The following ADAMTS13 variants were observed in gnomAD, a reference collection of about 807,000 sequenced individuals.
ADAMTS13 encodes ADAM metallopeptidase with thrombospondin type 1 motif 13, also known as A disintegrin and metalloproteinase with thrombospondin motifs 13.
In ADAMTS13, 110 loss-of-function variants were observed where a neutral mutation model predicts 155.1. That is an observed-to-expected ratio of 0.71 (90% confidence interval 0.61 to 0.83). The LOEUF (loss-of-function observed/expected upper bound fraction) is 0.83, where lower values mean the gene tolerates loss of function less well. Ranked by LOEUF, ADAMTS13 falls within the 40% of genes least tolerant of loss-of-function variation. The pLI is 0.00. For synonymous variants in ADAMTS13, 758 were observed against 756.4 expected (o/e 1.00, Z -0.03); for missense variants, 1,707 against 1,891.7 (o/e 0.90, Z 1.81).
chr9:133,423,799 A>T (rs1454099686), intron 2 of ADAMTS13, among the ~76,000 whole-genome samples: 1 of 152,212 alleles, frequency 6.6e-6, no homozygotes, highest in Non-Finnish European at 1.5e-5. Flanking sequence ...TGGGGGCTGG[A>T]TGCAGCCGAC....
At chr9:133,435,258 C>G (rs1554788636) in intron 11 of ADAMTS13, among the ~76,000 whole-genome samples, 1 of 150,936 alleles carries the variant, frequency 6.6e-6, no homozygotes, top group Non-Finnish European at 1.5e-5. Flanking sequence ...GCAATCTCAG[C>G]TCCCTGCAAC....
chr9:133,433,591 G>A, intron 10 of ADAMTS13, 50 bp from the exon 11 acceptor site: 2 of 1,613,786 alleles, frequency 1.2e-6, no homozygotes, highest in Non-Finnish European at 1.7e-6. Flanking sequence ...CCTAGTTGAA[G>A]GCAGTGGTCA....
upstream of ADAMTS13, among the ~76,000 whole-genome samples, chr9:133,421,781 T>C (rs1349189359): frequency 5.9e-5 from 9 of 152,098 alleles, no homozygotes; most frequent in Admixed American, 5.9e-4. Context: ...GGCTGCACTT[T>C]GAGGGGTGGA....
intron 23 of ADAMTS13, among the ~76,000 whole-genome samples, chr9:133,450,805 G>A (rs34818240): frequency 0.033 from 4,965 of 152,304 alleles, 105 homozygotes; most frequent in Middle Eastern, 0.054. Flanking sequence ...TGGCCCAAGA[G>A]CCAGTCTGTA....
At chr9:133,443,826 G>C (rs782763397) in intron 19 of ADAMTS13, among the ~76,000 whole-genome samples, 1 of 152,116 alleles carries the variant, frequency 6.6e-6, no homozygotes, top group Admixed American at 6.5e-5. Flanking sequence ...CCTGGGGAGG[G>C]GGGGCTTCGA....
At chr9:133,449,222 C>T (rs145779495) in intron 22 of ADAMTS13, among the ~76,000 whole-genome samples, 181 of 152,208 alleles carry the variant, frequency 1.2e-3, no homozygotes, top group African/African-American at 4.0e-3. Context: ...GTTGCTGGTG[C>T]GTTTCTTCAT....
Position 133,422,415 on chromosome 9 carries a change from C to T in ADAMTS13, c.-29C>T, listed in dbSNP as rs958104571. On this transcript the variant is annotated 5_prime_UTR_variant, in exon 1 of 29. Coordinates refer to ENST00000355699, the MANE Select transcript of ADAMTS13 (RefSeq NM_139027.6). ...GTCACCAAGGCCCCCTCTCACTCCGCTCCACTCCTCGGGCTGGCTCTCCTG... is the reference window on the plus strand; with the variant it reads ...GTCACCAAGGCCCCCTCTCACTCCGTTCCACTCCTCGGGCTGGCTCTCCTG... The T allele has an allele frequency of 6.2e-7, 1 of 1,604,466 alleles. No individual in the cohort carries two copies. The highest frequency in any genetic ancestry group is 8.5e-7 in the Non-Finnish European group (1 of 1,173,636).
chr9:133,426,961 G>A (rs1018882593), intron 6 of ADAMTS13, among the ~76,000 whole-genome samples: 6 of 152,090 alleles, frequency 3.9e-5, no homozygotes, highest in African/African-American at 7.2e-5. Flanking sequence ...GTGCCACCAC[G>A]CCCAGCTAAT....
In ADAMTS13 at chr9:133,424,513, C is replaced by T. The variant is rs373857849; in HGVS notation, c.330+35C>T. 65 of 1,593,224 alleles carry T rather than the reference C, an allele frequency of 4.1e-5. No individual in the cohort carries two copies. Among genetic ancestry groups the T allele is most frequent in the Middle Eastern group, 1.7e-4 (1 of 5,924 alleles). ...CCACGCTGGACTGTGCAGGTCCCCA[C>T]GGCCAGGGCTGGTGACCAATGTCTG... is the stretch of plus-strand genomic sequence containing the variant. On this transcript the variant is annotated intron_variant, in intron 3 of 28. Transcript: ENST00000355699. The surrounding 1 kb of genome is among the most constrained non-coding windows in gnomAD (Gnocchi z 4.3).
Position 133,459,041 on chromosome 9 carries a change from A to G in ADAMTS13, c.3977A>G (p.Glu1326Gly). The change falls in exon 29 of 29, where the codon GAG becomes GGG. Residue 1326 changes from glutamate (E) to glycine (G), a missense_variant. This residue lies in a region of ADAMTS13 where 961 missense variants were observed against 1,107.9 expected (regional missense o/e 0.87). Coordinates refer to ENST00000355699, the MANE Select transcript of ADAMTS13 (RefSeq NM_139027.6). ...HGQQVLYWES[E>G]SSQAEMEFSE... Reference sequence around the variant, plus strand: ...CAGCAGGTGCTCTACTGGGAGTCAGAGAGCAGCCAGGCTGAGATGGAGTTC... The same window carrying G: ...CAGCAGGTGCTCTACTGGGAGTCAGGGAGCAGCCAGGCTGAGATGGAGTTC... The G allele has an allele frequency of 6.2e-7, 1 of 1,613,166 alleles. No homozygotes were observed. The highest frequency in any genetic ancestry group is 8.5e-7 in the Non-Finnish European group (1 of 1,179,980).
upstream of ADAMTS13, among the ~76,000 whole-genome samples, chr9:133,419,612 A>G (rs1021537286): frequency 6.6e-6 from 1 of 152,170 alleles, no homozygotes; most frequent in Non-Finnish European, 1.5e-5. Flanking sequence ...TGTGAGTGGC[A>G]TCAGAGAATC....
intron 6 of ADAMTS13, among the ~76,000 whole-genome samples, chr9:133,428,082 C>T (rs1369168851): frequency 2.6e-5 from 4 of 152,196 alleles, no homozygotes; most frequent in African/African-American, 4.8e-5. Context: ...CTGGCCTCTC[C>T]CACCCCATTA....
At chr9:133,455,635 C>G (rs1199884158) in intron 25 of ADAMTS13, 200 bp downstream of exon 25, 3 of 1,596,182 alleles carry the variant, frequency 1.9e-6, no homozygotes, top group Non-Finnish European at 2.5e-6. Context: ...TGTCAGGCAG[C>G]TGCTGCAGGA....
In ADAMTS13 at chr9:133,456,521, T is replaced by A. The variant is rs1159194685; in HGVS notation, c.3548-22T>A. On this transcript the variant is annotated intron_variant, in intron 26 of 28. Transcript: ENST00000355699. This position sits in a 1 kb window ranked among gnomAD's most constrained non-coding sequence, Gnocchi z 4.4. ...GACCAGGCGTGGGAGTGCTGGACCC[T>A]CACTGCCCTGCCGCTTCCTAGGGGA... 2 of 1,611,134 alleles carry A rather than the reference T, an allele frequency of 1.2e-6. No individual in the cohort carries two copies. Among genetic ancestry groups the A allele is most frequent in the Admixed American group, 3.3e-5 (2 of 59,758 alleles).
At position 133,449,950 on chromosome 9, in the gene ADAMTS13, A is replaced by G. The variant is rs886493351; in HGVS notation, c.3029A>G (p.Glu1010Gly). ...GAACCCCAGGAGGCCTGCAGCCTGG[A>G]GCCCTGCCCACCTAGGTGAGTCAGC... ...RPEPQEACSLEPCPPRWKVMS... is the reference protein window; with the variant it reads ...RPEPQEACSLGPCPPRWKVMS... The change falls in exon 23 of 29, where the codon GAG (glutamate) becomes GGG (glycine). Residue 1010 changes from glutamate to glycine, a missense_variant. This residue lies in a region of ADAMTS13 where 961 missense variants were observed against 1,107.9 expected (regional missense o/e 0.87). Transcript: ENST00000355699. 7 of 1,605,088 alleles carry G rather than the reference A, an allele frequency of 4.4e-6. No homozygotes were observed. The African/African-American group carries it at 9.4e-5, about 21-fold the overall frequency.
intron 11 of ADAMTS13, 51 bp from the exon 12 acceptor site, chr9:133,436,778 A>ACCCCCCCCCCCCCC: frequency 4.6e-6 from 2 of 433,948 alleles, no homozygotes; most frequent in Non-Finnish European, 9.2e-6. Flanking sequence ...CAGTGACAAC[A>ACCCCCCCCCCCCCC]CCCGCCCCCC....
chr9:133,437,737 C>T lies in ADAMTS13; in HGVS notation c.1436-12C>T, dbSNP rs782391230. Reference sequence around the variant, plus strand: ...TCGGTTCAGGACACCCTTTTTCACTCTGCCCTCCCAGGGGATGCTCTGTGC... The same window carrying T: ...TCGGTTCAGGACACCCTTTTTCACTTTGCCCTCCCAGGGGATGCTCTGTGC... On this transcript the variant is annotated splice_polypyrimidine_tract_variant and intron_variant, in intron 12 of 28. Coordinates refer to ENST00000355699, the MANE Select transcript of ADAMTS13 (RefSeq NM_139027.6). 2 of 1,613,558 alleles carry T rather than the reference C, an allele frequency of 1.2e-6. No individual in the cohort carries two copies. Among genetic ancestry groups the T allele is most frequent in the Non-Finnish European group, 8.5e-7 (1 of 1,180,030 alleles).
At chr9:133,418,380 G>GC (rs2130755956), upstream of ADAMTS13, among the ~76,000 whole-genome samples, 4 of 152,318 alleles carry the variant, frequency 2.6e-5, no homozygotes, top group Non-Finnish European at 5.9e-5. Context: ...GCTGCTCCTT[G>GC]CTCAGCCTCA....
Position 133,425,644 on chromosome 9 carries a change from A to C in ADAMTS13, c.414+32A>C, listed in dbSNP as rs1840231268. The C allele has an allele frequency of 6.2e-7, 1 of 1,606,102 alleles. No homozygotes were observed. Among genetic ancestry groups the C allele is most frequent in the African/African-American group, 1.3e-5 (1 of 74,754 alleles). Reference sequence around the variant, plus strand: ...ATGGAGCTGGAACTCAGCACACCATACAGAGCGGGAAGCCCAAGTCATCGC... The same window carrying C: ...ATGGAGCTGGAACTCAGCACACCATCCAGAGCGGGAAGCCCAAGTCATCGC... On this transcript the variant is annotated intron_variant, in intron 4 of 28. Transcript: ENST00000355699. The surrounding 1 kb of genome is among the most constrained non-coding windows in gnomAD (Gnocchi z 4.6).
Sources: gnomAD v4.1 joint callset for allele counts (sites outside exome capture counted in the v4.1 genomes callset) on GRCh38, gnomAD v4.1.1 for gene constraint, gnomAD v4.1.1 regional missense constraint, Gnocchi (gnomAD v3.1) non-coding constraint, MANE v1.5 for transcripts, NCBI Gene and HGNC (gene_info 2026-07-23, HGNC 2026-07-21) for gene names.